The following ANKRD13C variants were observed in gnomAD, a reference collection of about 807,000 sequenced individuals.
ANKRD13C encodes ankyrin repeat domain-containing protein 13C.
A neutral mutation model predicts 65.5 loss-of-function variants in ANKRD13C; 16 were observed. The observed-to-expected ratio is 0.24, with a 90% confidence interval of 0.17 to 0.37. The LOEUF is 0.37. Among genes scored for constraint, ANKRD13C ranks in the 10% least tolerant of loss-of-function variants. ANKRD13C has a pLI of 1.00. For missense variants in ANKRD13C, 503 were observed against 655.9 expected (o/e 0.77, Z 2.55); for synonymous variants, 235 against 238.7 (o/e 0.98, Z 0.14).
At chr1:70,303,417 G>GA (rs1378614661) in intron 6 of ANKRD13C, among the ~76,000 whole-genome samples, 3 of 152,040 alleles carry the variant, frequency 2.0e-5, no homozygotes, top group African/African-American at 2.4e-5. Flanking sequence ...AAGAAAGCCT[G>GA]AAAAAATGCC....
chr1:70,301,376 T>C (rs927317106), intron 6 of ANKRD13C, among the ~76,000 whole-genome samples: 1 of 152,168 alleles, frequency 6.6e-6, no homozygotes, highest in Non-Finnish European at 1.5e-5. Flanking sequence ...CTGTCTGACA[T>C]TATTCGATCC....
At chr1:70,345,020 C>G (rs1196372325) in intron 1 of ANKRD13C, among the ~76,000 whole-genome samples, 1 of 152,018 alleles carries the variant, frequency 6.6e-6, no homozygotes, top group African/African-American at 2.4e-5. Flanking sequence ...TAACAGAAGA[C>G]AGCAGCTAGG....
At chr1:70,340,607 GC>G (rs1335894401) in intron 1 of ANKRD13C, among the ~76,000 whole-genome samples, 1 of 151,912 alleles carries the variant, frequency 6.6e-6, no homozygotes, top group Non-Finnish European at 1.5e-5. Context: ...GTTATTGTTG[GC>G]TTTTTTGGTA....
intron 1 of ANKRD13C, among the ~76,000 whole-genome samples, chr1:70,345,882 TTGTC>T (rs1352399941): frequency 6.6e-6 from 1 of 152,226 alleles, no homozygotes; most frequent in African/African-American, 2.4e-5. Context: ...TAACTATAGT[TTGTC>T]TGTAAACTGT....
chr1:70,323,284 T>G (rs1277140563), intron 3 of ANKRD13C, among the ~76,000 whole-genome samples: 1 of 152,202 alleles, frequency 6.6e-6, no homozygotes, highest in Non-Finnish European at 1.5e-5. Flanking sequence ...ATACACTCAC[T>G]TTAGTTGTTA....
chr1:70,323,755 G>A (rs1681416647), intron 3 of ANKRD13C, among the ~76,000 whole-genome samples: 1 of 144,118 alleles, frequency 6.9e-6, no homozygotes, highest in Non-Finnish European at 1.5e-5. Flanking sequence ...ACAGAGTCTT[G>A]CTCTTGTCGC....
At chr1:70,338,946 G>T (rs1682177564) in intron 1 of ANKRD13C, among the ~76,000 whole-genome samples, 1 of 152,142 alleles carries the variant, frequency 6.6e-6, no homozygotes, top group African/African-American at 2.4e-5. Context: ...ACTTGGCCGG[G>T]CGCGGTGGCT....
At chr1:70,279,997 T>C (rs1489279201) in intron 9 of ANKRD13C, among the ~76,000 whole-genome samples, 1 of 152,170 alleles carries the variant, frequency 6.6e-6, no homozygotes, top group African/African-American at 2.4e-5. Flanking sequence ...AATATCACAC[T>C]ACAGAGACTT....
chr1:70,302,509 G>A (rs1680408909), intron 6 of ANKRD13C, among the ~76,000 whole-genome samples: 2 of 110,978 alleles, frequency 1.8e-5, no homozygotes, highest in African/African-American at 3.9e-5. Flanking sequence ...GGCGGATCAC[G>A]AGGTCAGGAG....
intron 9 of ANKRD13C, among the ~76,000 whole-genome samples, chr1:70,289,485 G>C (rs1334619279): frequency 7.1e-6 from 1 of 141,266 alleles, no homozygotes; most frequent in East Asian, 2.1e-4. Flanking sequence ...TTTTTTTTTT[G>C]AGACAGTCTT....
rs150883405 is a variant in ANKRD13C, at chr1:70,323,095, A to G, written c.577+1758T>C. ...ATTCTGTTAATTAGTTAGAAAAATC[A>G]GAGGAAGTTTCTTCAGACCAGTTGT... On this transcript the variant is annotated intron_variant, in intron 3 of 12. Coordinates refer to ENST00000370944, the MANE Select transcript of ANKRD13C (RefSeq NM_030816.5). Among the ~76,000 whole-genome samples, 1,276 of 152,306 alleles carry G rather than the reference A, an allele frequency of 8.4e-3. 10 individuals are homozygous for G. Among genetic ancestry groups the G allele is most frequent in the Middle Eastern group, 0.014 (4 of 294 alleles).
At chr1:70,331,032 G>C (rs1274883579) in intron 2 of ANKRD13C, among the ~76,000 whole-genome samples, 2 of 152,120 alleles carry the variant, frequency 1.3e-5, no homozygotes, top group Non-Finnish European at 2.9e-5. Flanking sequence ...ACGTTATTCA[G>C]TAGGTTAAGA....
In ANKRD13C at chr1:70,261,490, CTAATT is replaced by C. The variant is rs889567103; in HGVS notation, c.*1222_*1226del. 2 of 151,948 alleles carry C rather than the reference CTAATT, an allele frequency of 1.3e-5. No individual in the cohort carries two copies. Among genetic ancestry groups the C allele is most frequent in the African/African-American group, 2.4e-5 (1 of 41,400 alleles). The allele number at this position is 151,948 out of a possible 1,614,324, so 9.4% of individuals were successfully genotyped here. A position where few individuals can be genotyped will look rare whatever the true frequency, so the allele number is the denominator to read the frequency against. ...TTATAACTGTTATACATTAATCCCCCTAATTTATTTTCATACTTGGACCTTCAAAC... is the reference window on the plus strand; with the variant it reads ...TTATAACTGTTATACATTAATCCCCCTATTTTCATACTTGGACCTTCAAAC... On this transcript the variant is annotated 3_prime_UTR_variant, in exon 13 of 13. Coordinates refer to ENST00000370944, the MANE Select transcript of ANKRD13C (RefSeq NM_030816.5).
intron 6 of ANKRD13C, among the ~76,000 whole-genome samples, chr1:70,302,979 A>G (rs1300441535): frequency 6.6e-6 from 1 of 152,154 alleles, no homozygotes; most frequent in Non-Finnish European, 1.5e-5. Context: ...GTGGGTTGCC[A>G]GGAGTGGAGA....
rs115054582 is a variant in ANKRD13C, at chr1:70,280,141, T to A, written c.1216-3297A>T. ...GTATCAGGCAAGATGAAAGACAATG[T>A]TCTTTCCTTGAGAAGCTTATCAAGA... On this transcript the variant is annotated intron_variant, in intron 9 of 12. Transcript: ENST00000370944. 2.0e-3 allele frequency among the ~76,000 whole-genome samples: 309 copies of A among 152,274 alleles called. 2 individuals are homozygous for A. The highest frequency in any genetic ancestry group is 7.1e-3 in the African/African-American group (297 of 41,548).
intron 2 of ANKRD13C, among the ~76,000 whole-genome samples, chr1:70,333,142 T>C (rs1436888342): frequency 6.6e-6 from 1 of 152,190 alleles, no homozygotes; most frequent in Non-Finnish European, 1.5e-5. Flanking sequence ...GCTACTTTAC[T>C]CTGGGCAAGT....
At chr1:70,285,711 A>G (rs1268753520) in intron 9 of ANKRD13C, among the ~76,000 whole-genome samples, 1 of 150,354 alleles carries the variant, frequency 6.7e-6, no homozygotes, top group African/African-American at 2.5e-5. Flanking sequence ...GCTCACTGCA[A>G]CCTCTGCCTC....
intron 7 of ANKRD13C, among the ~76,000 whole-genome samples, chr1:70,297,915 C>CA (rs10710510): frequency 5.8e-4 from 74 of 127,254 alleles, no homozygotes; most frequent in Non-Finnish European, 8.4e-4. Flanking sequence ...GACTCCATCT[C>CA]AAAAAAAAAA....
chr1:70,270,731 TA>T, intron 12 of ANKRD13C, 124 bp downstream of exon 12: 3 of 637,754 alleles, frequency 4.7e-6, no homozygotes. Context: ...ACCCCACTCC[TA>T]AAAGGTCACG....
Sources: gnomAD v4.1 joint callset for allele counts (sites outside exome capture counted in the v4.1 genomes callset) on GRCh38, gnomAD v4.1.1 for gene constraint, MANE v1.5 for transcripts, NCBI Gene and HGNC (gene_info 2026-07-23, HGNC 2026-07-21) for gene names.